Variants in FILIP1L observed in about 807,000 individuals in gnomAD.
The protein encoded by FILIP1L is filamin A interacting protein 1 like.
FILIP1L carries 55 observed loss-of-function variants against 96.6 expected under a neutral mutation model. The observed-to-expected ratio is 0.57, with a 90% confidence interval of 0.46 to 0.71. FILIP1L has a LOEUF of 0.71. Among genes scored for constraint, FILIP1L ranks in the 30% least tolerant of loss-of-function variants. FILIP1L has a pLI of 0.00. For missense variants in FILIP1L, 1,304 were observed against 1,321.2 expected (o/e 0.99, Z 0.20); for synonymous variants, 467 against 473.9 (o/e 0.99, Z 0.19).
chr3:99,997,750 ATATT>A (rs889597584), intron 1 of FILIP1L, among the ~76,000 whole-genome samples: 3 of 152,244 alleles, frequency 2.0e-5, no homozygotes, highest in African/African-American at 7.2e-5. Flanking sequence ...AAAATAAAGA[ATATT>A]TATGAAAAGA....
intron 1 of FILIP1L, among the ~76,000 whole-genome samples, chr3:99,946,910 G>A (rs968928463): frequency 6.6e-6 from 1 of 152,006 alleles, no homozygotes; most frequent in Non-Finnish European, 1.5e-5. Flanking sequence ...AGAGGTGGGC[G>A]GATCTCCTGA....
chr3:99,913,719 G>C (rs1706865372), intron 4 of FILIP1L, among the ~76,000 whole-genome samples: 1 of 152,194 alleles, frequency 6.6e-6, no homozygotes, highest in Non-Finnish European at 1.5e-5. Flanking sequence ...TAGGAAGTGA[G>C]AGCAGGGCTA....
intron 1 of FILIP1L, among the ~76,000 whole-genome samples, chr3:99,976,456 T>C (rs1276825092): frequency 1.3e-5 from 2 of 152,114 alleles, no homozygotes; most frequent in African/African-American, 4.8e-5. Context: ...CCCAAGAGAA[T>C]TGCAGCCAAA....
intron 1 of FILIP1L, among the ~76,000 whole-genome samples, chr3:99,997,598 T>A (rs1350268344): frequency 6.6e-6 from 1 of 152,052 alleles, no homozygotes; most frequent in Non-Finnish European, 1.5e-5. Flanking sequence ...AGGGGCAGGG[T>A]GGGAAGGATA....
At chr3:99,924,480 G>A (rs917853433) in intron 3 of FILIP1L, 72 bp from the exon 4 acceptor site, 5 of 1,425,048 alleles carry the variant, frequency 3.5e-6, no homozygotes, top group Non-Finnish European at 3.9e-6. Flanking sequence ...TTTTAGAAAT[G>A]TCCCTGTTTT....
intron 3 of FILIP1L, among the ~76,000 whole-genome samples, chr3:99,928,725 A>G (rs375226609): frequency 6.6e-6 from 1 of 152,170 alleles, no homozygotes; most frequent in East Asian, 1.9e-4. Context: ...ATTAATTTGC[A>G]TTTGAGCTCA....
intron 4 of FILIP1L, among the ~76,000 whole-genome samples, chr3:99,881,593 T>C (rs1378997363): frequency 6.6e-6 from 1 of 151,970 alleles, no homozygotes; most frequent in Non-Finnish European, 1.5e-5. Flanking sequence ...AGTGCAGTAG[T>C]GCAAGCTCGG....
chr3:99,964,301 T>G (rs1433277250), intron 1 of FILIP1L: 1 of 150,480 alleles, frequency 6.6e-6, no homozygotes, highest in Non-Finnish European at 1.5e-5. Context: ...ACAGTGTCTG[T>G]GTCTAGTTTC....
At chr3:99,865,552 T>G (rs992343608) in intron 4 of FILIP1L, among the ~76,000 whole-genome samples, 9 of 152,210 alleles carry the variant, frequency 5.9e-5, no homozygotes. Context: ...ATAGCAAGTT[T>G]CGTCATTTGG....
chr3:99,854,969 G>C (rs1052286846), intron 4 of FILIP1L, among the ~76,000 whole-genome samples: 3 of 152,120 alleles, frequency 2.0e-5, no homozygotes, highest in African/African-American at 7.2e-5. Flanking sequence ...AGTAGGTCTG[G>C]GGTGGGCCTC....
intron 4 of FILIP1L, among the ~76,000 whole-genome samples, chr3:99,854,274 C>A (rs1943847682): frequency 6.6e-6 from 1 of 152,068 alleles, no homozygotes; most frequent in South Asian, 2.1e-4. Context: ...CATTATTTTT[C>A]TTTGCATATG....
intron 4 of FILIP1L, among the ~76,000 whole-genome samples, chr3:99,852,092 T>G (rs1323194900): frequency 2.0e-5 from 3 of 152,224 alleles, no homozygotes; most frequent in African/African-American, 7.2e-5. Context: ...AGGAGGGTAT[T>G]TTACATGTAG....
chr3:99,935,306 T>C (rs1429984686), intron 1 of FILIP1L, among the ~76,000 whole-genome samples: 1 of 150,018 alleles, frequency 6.7e-6, no homozygotes, highest in Non-Finnish European at 1.5e-5. Flanking sequence ...GTATGCCAAA[T>C]AATGATACTT....
At chr3:99,836,482 G>A (rs1291622972) in intron 5 of FILIP1L, among the ~76,000 whole-genome samples, 2 of 152,164 alleles carry the variant, frequency 1.3e-5, no homozygotes, top group African/African-American at 2.4e-5. Context: ...TTTGAGGATC[G>A]TGGTAGAGAA....
chr3:99,913,528 T>TA (rs1706858906), intron 4 of FILIP1L, among the ~76,000 whole-genome samples: 1 of 152,202 alleles, frequency 6.6e-6, no homozygotes, highest in African/African-American at 2.4e-5. Flanking sequence ...GGATACAATC[T>TA]AAAGCTCATA....
chr3:100,043,205 T>G (rs2065232311), intron 1 of FILIP1L, among the ~76,000 whole-genome samples: 1 of 152,220 alleles, frequency 6.6e-6, no homozygotes, highest in African/African-American at 2.4e-5. Flanking sequence ...CAGTATTTCA[T>G]TCTTTACTGT....
chr3:99,844,875 G>A (rs1240917879), intron 5 of FILIP1L, among the ~76,000 whole-genome samples: 2 of 152,186 alleles, frequency 1.3e-5, no homozygotes, highest in Non-Finnish European at 2.9e-5. Flanking sequence ...TGCCAGGTGA[G>A]ATGTGCCTTA....
At chr3:99,960,846 C>T (rs4244714) in intron 1 of FILIP1L, among the ~76,000 whole-genome samples, 152,364 of 152,368 alleles carry the variant, frequency 1, 76,180 homozygotes, top group Non-Finnish European at 1. Context: ...TATATTTTTG[C>T]GTTGTTAATA....
chr3:99,908,002 G>A (rs1706676442), intron 4 of FILIP1L, among the ~76,000 whole-genome samples: 1 of 152,238 alleles, frequency 6.6e-6, no homozygotes, highest in Non-Finnish European at 1.5e-5. Flanking sequence ...TACTGAAACT[G>A]TGTATTGAAT....
Sources: gnomAD v4.1 joint callset for allele counts (sites outside exome capture counted in the v4.1 genomes callset) on GRCh38, gnomAD v4.1.1 for gene constraint, MANE v1.5 for transcripts, NCBI Gene and HGNC (gene_info 2026-07-23, HGNC 2026-07-21) for gene names.